The following GPC6 variants were observed in gnomAD, a reference collection of about 807,000 sequenced individuals.
GPC6 encodes the protein glypican-6.
A neutral mutation model predicts 55.2 loss-of-function variants in GPC6; 14 were observed. The ratio of observed to expected loss-of-function variants is 0.25; its 90% CI spans 0.17 to 0.40. The LOEUF (loss-of-function observed/expected upper bound fraction) is 0.40, where lower values mean the gene tolerates loss of function less well. Among genes scored for constraint, GPC6 ranks in the 10% least tolerant of loss-of-function variants. The probability of loss-of-function intolerance (pLI) is 1.00; values close to 1 mark genes in which losing one functional copy is unlikely to be tolerated. For missense variants in GPC6, 641 were observed against 708.5 expected, an observed-to-expected ratio of 0.90 and a Z score of 1.08; for synonymous variants, 278 against 259.6, an observed-to-expected ratio of 1.07 and a Z score of -0.68.
chr13:94,319,384 T>C (rs1438134541), intron 6 of GPC6, among the ~76,000 whole-genome samples: 2 of 152,208 alleles, frequency 1.3e-5, no homozygotes, highest in Non-Finnish European at 2.9e-5. Flanking sequence ...TCCCAACTTA[T>C]ATGCTGTTAT....
chr13:94,341,856 A>G (rs1260036110), intron 6 of GPC6, among the ~76,000 whole-genome samples: 1 of 152,262 alleles, frequency 6.6e-6, no homozygotes, highest in Non-Finnish European at 1.5e-5. Flanking sequence ...AGGACTGACA[A>G]TAGAAATCAT....
intron 4 of GPC6, among the ~76,000 whole-genome samples, chr13:94,146,804 G>A (rs559555854): frequency 2.1e-4 from 32 of 152,240 alleles, no homozygotes; most frequent in African/African-American, 7.2e-4. Context: ...GACCAGATCC[G>A]AAAGCATTTA....
At chr13:93,814,067 G>A (rs1338224572) in intron 2 of GPC6, among the ~76,000 whole-genome samples, 1 of 151,940 alleles carries the variant, frequency 6.6e-6, no homozygotes, top group Non-Finnish European at 1.5e-5. Flanking sequence ...TTCTTATTAG[G>A]AGGTATCTGC....
chr13:93,337,506 A>G (rs1880088956), intron 1 of GPC6, among the ~76,000 whole-genome samples: 1 of 152,104 alleles, frequency 6.6e-6, no homozygotes, highest in African/African-American at 2.4e-5. Flanking sequence ...TTAAAGGTAA[A>G]AAAAAAAGAA....
intron 2 of GPC6, among the ~76,000 whole-genome samples, chr13:93,803,937 T>A (rs1458378189): frequency 6.6e-6 from 1 of 152,136 alleles, no homozygotes; most frequent in African/African-American, 2.4e-5. Flanking sequence ...CGGCTGCTAA[T>A]GTGTATGGAA....
At chr13:94,350,602 T>C (rs1250344180) in intron 6 of GPC6, among the ~76,000 whole-genome samples, 1 of 152,146 alleles carries the variant, frequency 6.6e-6, no homozygotes, top group Non-Finnish European at 1.5e-5. Flanking sequence ...CATTGTTAAA[T>C]ACATACATAA....
chr13:93,330,901 T>G (rs1243806161), intron 1 of GPC6, among the ~76,000 whole-genome samples: 1 of 152,214 alleles, frequency 6.6e-6, no homozygotes, highest in Non-Finnish European at 1.5e-5. Flanking sequence ...TTCTTACAGT[T>G]CTATCACTTT....
At chr13:94,252,169 G>C (rs1367562097) in intron 4 of GPC6, among the ~76,000 whole-genome samples, 1 of 152,086 alleles carries the variant, frequency 6.6e-6, no homozygotes, top group Non-Finnish European at 1.5e-5. Context: ...TTGTCACCCA[G>C]GTGTCTGGAA....
chr13:94,182,894 G>A (rs976880206), intron 4 of GPC6, among the ~76,000 whole-genome samples: 38 of 152,180 alleles, frequency 2.5e-4, no homozygotes, highest in African/African-American at 8.7e-4. Context: ...TCCCACCTCA[G>A]CCTCCCAAGT....
intron 7 of GPC6, among the ~76,000 whole-genome samples, chr13:94,383,442 G>A (rs968989598): frequency 1.3e-5 from 2 of 152,190 alleles, no homozygotes; most frequent in South Asian, 4.1e-4. Context: ...ACAAGAAGGT[G>A]TGTGGTTGCC....
chr13:93,837,186 C>T (rs1269267588), intron 3 of GPC6, among the ~76,000 whole-genome samples: 1 of 152,088 alleles, frequency 6.6e-6, no homozygotes, highest in African/African-American at 2.4e-5. Flanking sequence ...TGTATGTTTC[C>T]AGTAACCTAT....
intron 1 of GPC6, among the ~76,000 whole-genome samples, chr13:93,436,578 C>T (rs1375808064): frequency 1.3e-5 from 2 of 152,062 alleles, no homozygotes; most frequent in African/African-American, 4.8e-5. Context: ...CAGAGTCACA[C>T]TTCTGCTTGC....
chr13:94,322,950 C>G (rs766338233), intron 6 of GPC6, among the ~76,000 whole-genome samples: 1 of 152,058 alleles, frequency 6.6e-6, no homozygotes, highest in African/African-American at 2.4e-5. Context: ...TGGTCTGGCA[C>G]ACATGTGTAT....
At chr13:93,465,318 A>G (rs1182163731) in intron 1 of GPC6, among the ~76,000 whole-genome samples, 1 of 152,218 alleles carries the variant, frequency 6.6e-6, no homozygotes, top group Admixed American at 6.5e-5. Flanking sequence ...TAAAAGTCCT[A>G]CATGGCATCT....
At chr13:93,554,915 A>G (rs1257212353) in intron 2 of GPC6, among the ~76,000 whole-genome samples, 1 of 152,196 alleles carries the variant, frequency 6.6e-6, no homozygotes. Context: ...TATTCATTAA[A>G]CGAACAAATA....
intron 6 of GPC6, among the ~76,000 whole-genome samples, chr13:94,317,194 A>G (rs1252709559): frequency 1.3e-5 from 2 of 152,230 alleles, no homozygotes; most frequent in African/African-American, 4.8e-5. Flanking sequence ...TTCAGCTGGA[A>G]GAAAACTTAG....
At chr13:94,206,472 T>G (rs1320802689) in intron 4 of GPC6, among the ~76,000 whole-genome samples, 1 of 152,164 alleles carries the variant, frequency 6.6e-6, no homozygotes. Flanking sequence ...GGGTTTTTTT[T>G]GGTATTATAT....
chr13:93,444,538 C>T (rs1436306514), intron 1 of GPC6, among the ~76,000 whole-genome samples: 1 of 152,078 alleles, frequency 6.6e-6, no homozygotes, highest in Non-Finnish European at 1.5e-5. Flanking sequence ...ACCTGGGAAG[C>T]GGAGGTTGCA....
intron 2 of GPC6, among the ~76,000 whole-genome samples, chr13:93,785,290 T>C (rs1476567229): frequency 6.6e-6 from 1 of 152,134 alleles, no homozygotes; most frequent in African/African-American, 2.4e-5. Context: ...ATAGAGAATA[T>C]GATAAATGAG....
Sources: gnomAD v4.1 joint callset for allele counts (sites outside exome capture counted in the v4.1 genomes callset) on GRCh38, gnomAD v4.1.1 for gene constraint, MANE v1.5 for transcripts, NCBI Gene and HGNC (gene_info 2026-07-23, HGNC 2026-07-21) for gene names.